The following COL5A1 variants were observed in gnomAD, a reference collection of about 807,000 sequenced individuals.
The protein encoded by COL5A1 is collagen type V alpha 1 chain.
A neutral mutation model predicts 263.7 loss-of-function variants in COL5A1; 16 were observed. The ratio of observed to expected loss-of-function variants is 0.06; its 90% CI spans 0.04 to 0.09. The LOEUF (loss-of-function observed/expected upper bound fraction) is 0.09. Among genes scored for constraint, COL5A1 ranks in the 10% least tolerant of loss-of-function variants. The pLI is 1.00. For missense variants in COL5A1, 2,036 were observed against 2,540.5 expected (o/e 0.80, Z 4.27); for synonymous variants, 1,012 against 1,004.5 (o/e 1.01, Z -0.14).
chr9:134,812,617 C>T lies in COL5A1; in HGVS notation c.3757C>T (p.Pro1253Ser), dbSNP rs1441643416. 6.2e-7 allele frequency: 1 copy of T among 1,603,214 alleles called. No homozygotes were observed. The highest frequency in any genetic ancestry group is 8.5e-7 in the Non-Finnish European group (1 of 1,174,252). The part of the protein sequence containing the change: ...GDVGQMGPPG[P>S]PGPRGPSGAP... ...TCCCTTTTCCTAGGGCCCCCCGGGT[C>T]CCCCTGGCCCCCGAGGACCCTCCGG... The change falls in exon 48 of 66, where the codon CCC becomes TCC. Residue 1253 changes from proline (P) to serine (S), a missense_variant. Coordinates refer to ENST00000371817, the MANE Select transcript of COL5A1 (RefSeq NM_000093.5).
chr9:134,697,944 C>T (rs781569768), intron 2 of COL5A1, among the ~76,000 whole-genome samples: 64 of 152,210 alleles, frequency 4.2e-4, no homozygotes, highest in South Asian at 8.3e-4. Context: ...ATTAATCAGG[C>T]GTGGTGGTGT....
intron 41 of COL5A1, among the ~76,000 whole-genome samples, chr9:134,805,914 G>T (rs931723686): frequency 2.0e-5 from 3 of 152,150 alleles, no homozygotes; most frequent in Non-Finnish European, 4.4e-5. Context: ...GGGAGGGGGT[G>T]CCAGGCTTCT....
chr9:134,827,675 G>T (rs1040946624), intron 63 of COL5A1, among the ~76,000 whole-genome samples: 1 of 152,228 alleles, frequency 6.6e-6, no homozygotes, highest in African/African-American at 2.4e-5. Flanking sequence ...GGCTCCCCCA[G>T]TGTTGACCAG....
intron 4 of COL5A1, among the ~76,000 whole-genome samples, chr9:134,720,823 G>A (rs1040869138): frequency 3.9e-5 from 6 of 152,182 alleles, no homozygotes; most frequent in African/African-American, 9.7e-5. Context: ...CCGACTCTGA[G>A]TGAATGTTCC....
At chr9:134,654,488 G>T (rs1588406301) in intron 1 of COL5A1, among the ~76,000 whole-genome samples, 1 of 109,730 alleles carries the variant, frequency 9.1e-6, no homozygotes. Context: ...GGCTGGAGTT[G>T]TGTAGAGCTG....
intron 1 of COL5A1, among the ~76,000 whole-genome samples, chr9:134,651,961 C>T (rs570091576): frequency 3.3e-5 from 5 of 152,294 alleles, no homozygotes; most frequent in African/African-American, 9.6e-5. Flanking sequence ...GAAAGTGTCC[C>T]GTGTCCACGT....
intron 11 of COL5A1, among the ~76,000 whole-genome samples, chr9:134,747,471 A>C (rs543946012): frequency 6.6e-6 from 1 of 152,140 alleles, no homozygotes; most frequent in South Asian, 2.1e-4. Flanking sequence ...AAACGTACAC[A>C]TGCATACACA....
rs781247782 is a variant in COL5A1, at chr9:134,818,781, G to C, written c.4338+18G>C. On this transcript the variant is annotated intron_variant, in intron 55 of 65. Transcript: ENST00000371817. This position sits in a 1 kb window ranked among gnomAD's most constrained non-coding sequence, Gnocchi z 6.0. ...GCCCTGTGGTGAGTAGGCTGTGAGG[G>C]GCAGAGGGGTTGCCGAGTGGAGGGA... 6 of 1,612,332 alleles carry C rather than the reference G, an allele frequency of 3.7e-6. No homozygotes were observed. Among genetic ancestry groups the C allele is most frequent in the Non-Finnish European group, 5.1e-6 (6 of 1,179,414 alleles).
At chr9:134,805,275 C>A in intron 41 of COL5A1, 61 bp downstream of exon 41, 1 of 1,585,934 alleles carries the variant, frequency 6.3e-7, no homozygotes, top group African/African-American at 1.3e-5. Flanking sequence ...TCAGAAGGGG[C>A]AGTCCCCGAG....
chr9:134,655,032 T>C (rs1187411385), intron 1 of COL5A1, among the ~76,000 whole-genome samples: 2 of 97,418 alleles, frequency 2.1e-5, no homozygotes, highest in Non-Finnish European at 2.0e-5. Context: ...TGTGTAGGGC[T>C]GGGGGTGTGT....
intron 4 of COL5A1, among the ~76,000 whole-genome samples, chr9:134,722,429 GCA>G (rs1217074499): frequency 6.6e-6 from 1 of 152,228 alleles, no homozygotes; most frequent in Admixed American, 6.5e-5. Flanking sequence ...ACCAGTGCCA[GCA>G]CCTTATGCAG....
At chr9:134,666,074 G>A (rs916962604) in intron 1 of COL5A1, among the ~76,000 whole-genome samples, 2 of 152,124 alleles carry the variant, frequency 1.3e-5, no homozygotes, top group African/African-American at 4.8e-5. Flanking sequence ...GTGACAGAGC[G>A]AGACTCCATC....
chr9:134,784,234 A>G (rs991986505), intron 29 of COL5A1, among the ~76,000 whole-genome samples: 1 of 152,196 alleles, frequency 6.6e-6, no homozygotes, highest in Non-Finnish European at 1.5e-5. Flanking sequence ...TTAGGAAGTT[A>G]TTCATTTTTC....
chr9:134,750,646 A>C (rs749870261), intron 12 of COL5A1, 30 bp downstream of exon 12: 237 of 1,610,364 alleles, frequency 1.5e-4, no homozygotes, highest in Non-Finnish European at 1.9e-4. Context: ...GGAGGTGGGG[A>C]GGCAGCTGGG....
intron 1 of COL5A1, among the ~76,000 whole-genome samples, chr9:134,655,165 G>C (rs1040493387): frequency 3.3e-5 from 5 of 150,470 alleles, no homozygotes; most frequent in African/African-American, 1.2e-4. Flanking sequence ...GCTGGTGTGT[G>C]TATAAGGCAG....
chr9:134,651,479 C>A (rs1240260057), intron 1 of COL5A1, among the ~76,000 whole-genome samples: 1 of 152,068 alleles, frequency 6.6e-6, no homozygotes, highest in Non-Finnish European at 1.5e-5. Flanking sequence ...TGCACTGTAG[C>A]CTGGGTGACA....
intron 4 of COL5A1, among the ~76,000 whole-genome samples, chr9:134,704,160 A>T (rs1414551506): frequency 6.6e-6 from 1 of 152,182 alleles, no homozygotes; most frequent in Non-Finnish European, 1.5e-5. Context: ...CCAGGGAAGC[A>T]CTAGAAATCC....
intron 46 of COL5A1, among the ~76,000 whole-genome samples, chr9:134,811,838 T>C (rs758751792): frequency 4.4e-4 from 67 of 152,234 alleles, no homozygotes; most frequent in Admixed American, 2.6e-4. Context: ...AAACTGATGA[T>C]TCGTGAGAAA....
At chr9:134,819,776 C>T (rs1838918795) in intron 57 of COL5A1, among the ~76,000 whole-genome samples, 1 of 152,236 alleles carries the variant, frequency 6.6e-6, no homozygotes, top group African/African-American at 2.4e-5. Flanking sequence ...CGTATAGGAG[C>T]AGGCGTTCGG....
Sources: gnomAD v4.1 joint callset for allele counts (sites outside exome capture counted in the v4.1 genomes callset) on GRCh38, gnomAD v4.1.1 for gene constraint, Gnocchi (gnomAD v3.1) non-coding constraint, MANE v1.5 for transcripts, NCBI Gene and HGNC (gene_info 2026-07-23, HGNC 2026-07-21) for gene names.